PTPRO: variants seen among roughly 807,000 people sequenced by gnomAD.
PTPRO encodes receptor-type tyrosine-protein phosphatase O.
Under a neutral mutation model 145.2 loss-of-function variants are expected in PTPRO, and 62 were observed. The observed-to-expected ratio is 0.43, with a 90% CI of 0.35 to 0.53. The LOEUF (loss-of-function observed/expected upper bound fraction) is 0.53, where lower values mean the gene tolerates loss of function less well. PTPRO is among the 20% of genes least tolerant of loss of function. The pLI is 0.01. For synonymous variants in PTPRO, 565 were observed against 514.7 expected, an observed-to-expected ratio of 1.10 and a Z score of -1.32; for missense variants, 1,345 against 1,482.7, an observed-to-expected ratio of 0.91 and a Z score of 1.53.
At chr12:15,451,480 C>T (rs1370319713) in intron 1 of PTPRO, among the ~76,000 whole-genome samples, 2 of 151,996 alleles carry the variant, frequency 1.3e-5, no homozygotes, top group Non-Finnish European at 2.9e-5. Flanking sequence ...TAAACTATAC[C>T]CTGGAACAAA....
At chr12:15,480,928 T>C (rs1941766617) in intron 1 of PTPRO, among the ~76,000 whole-genome samples, 1 of 152,234 alleles carries the variant, frequency 6.6e-6, no homozygotes, top group African/African-American at 2.4e-5. Context: ...GTCAGTTGTT[T>C]ATTTGGTAAT....
intron 1 of PTPRO, among the ~76,000 whole-genome samples, chr12:15,459,121 A>T (rs964882537): frequency 1.3e-5 from 2 of 152,230 alleles, no homozygotes; most frequent in African/African-American, 4.8e-5. Flanking sequence ...CAAGTGAGAC[A>T]GAAGCCAGTT....
rs892750751 is a variant in PTPRO at position 15,441,113 on chromosome 12, C to T, written c.76-42861C>T. The stretch of plus-strand genomic sequence containing the variant: ...CTCCAAGATTGACCACATGCTCTAC[C>T]ATAAAGTAAGTCTCAATGAAATAAA... On this transcript the variant is annotated intron_variant, in intron 1 of 26. Coordinates refer to ENST00000281171, the MANE Select transcript of PTPRO (RefSeq NM_030667.3). 5.9e-5 allele frequency among the ~76,000 whole-genome samples: 9 copies of T among 152,112 alleles called. No individual in the cohort carries two copies. In the East Asian group the frequency reaches 1.5e-3, roughly 26 times the overall value.
chr12:15,573,447 C>T (rs1054465571), intron 19 of PTPRO, among the ~76,000 whole-genome samples: 3 of 152,102 alleles, frequency 2.0e-5, no homozygotes, highest in South Asian at 2.1e-4. Context: ...GTCAAGTTGA[C>T]GTCTAAAATT....
chr12:15,369,903 T>G (rs1305385130), intron 1 of PTPRO, among the ~76,000 whole-genome samples: 1 of 151,900 alleles, frequency 6.6e-6, no homozygotes, highest in African/African-American at 2.4e-5. Context: ...AATACAAAAC[T>G]TAGCCAGGCG....
At chr12:15,594,566 C>T (rs1289879289) in intron 25 of PTPRO, among the ~76,000 whole-genome samples, 1 of 151,344 alleles carries the variant, frequency 6.6e-6, no homozygotes, top group Non-Finnish European at 1.5e-5. Context: ...TATATATAAA[C>T]ATATATATAA....
intron 10 of PTPRO, among the ~76,000 whole-genome samples, chr12:15,523,652 G>A (rs999443122): frequency 1.3e-5 from 2 of 152,104 alleles, no homozygotes; most frequent in Admixed American, 6.6e-5. Context: ...GCCTGTACCT[G>A]TAGTCCTAGC....
chr12:15,591,823 A>G (rs912048363), intron 25 of PTPRO, among the ~76,000 whole-genome samples: 9 of 152,180 alleles, frequency 5.9e-5, no homozygotes, highest in Middle Eastern at 3.4e-3. Flanking sequence ...AGATCGTGCC[A>G]CTGCACCCCA....
intron 1 of PTPRO, among the ~76,000 whole-genome samples, chr12:15,423,643 T>C (rs1940205990): frequency 1.3e-5 from 2 of 152,194 alleles, no homozygotes; most frequent in Admixed American, 1.3e-4. Context: ...ATCCATAACA[T>C]AATTTGGAGA....
In PTPRO at chr12:15,482,723, G is replaced by A. The variant is rs117424963; in HGVS notation, c.76-1251G>A. Among the ~76,000 whole-genome samples the A allele has an allele frequency of 7.0e-3, 1,062 of 152,188 alleles. 4 individuals carry two copies. Among genetic ancestry groups the A allele is most frequent in the Middle Eastern group, 0.017 (5 of 294 alleles). On this transcript the variant is annotated intron_variant, in intron 1 of 26. Coordinates refer to ENST00000281171, the MANE Select transcript of PTPRO (RefSeq NM_030667.3). Reference sequence around the variant, plus strand: ...ATTGAGTAATTTGTTAGAGGCAAATGCCCATATATCGTCAATTTAATCAGC... The same window carrying A: ...ATTGAGTAATTTGTTAGAGGCAAATACCCATATATCGTCAATTTAATCAGC...
chr12:15,326,778 A>G (rs1455497086), intron 1 of PTPRO, among the ~76,000 whole-genome samples: 2 of 152,200 alleles, frequency 1.3e-5, no homozygotes, highest in Non-Finnish European at 2.9e-5. Flanking sequence ...AACAATGACC[A>G]CAAGTTTTCA....
chr12:15,580,091 C>T lies in PTPRO; in HGVS notation c.2973C>T (p.Asp991=), dbSNP rs763127827. Residue 991 remains aspartate (D), a synonymous_variant, in exon 21 of 27, where the codon GAC becomes GAT. Coordinates refer to ENST00000281171, the MANE Select transcript of PTPRO (RefSeq NM_030667.3). The part of the protein sequence containing the change: ...LVSMNEEEGA[D]YINANYIPGY... ...CCATGAATGAAGAGGAAGGTGCAGA[C>T]TACATCAATGCCAACTATATTCCTG... 5 of 1,612,544 alleles carry T rather than the reference C, an allele frequency of 3.1e-6. No homozygotes were observed. The highest frequency in any genetic ancestry group is 4.2e-6 in the Non-Finnish European group (5 of 1,179,570).
chr12:15,420,062 G>C, intron 1 of PTPRO, among the ~76,000 whole-genome samples: 1 of 150,314 alleles, frequency 6.7e-6, no homozygotes, highest in East Asian at 2.0e-4. Flanking sequence ...CAGGAGAACG[G>C]TGTGAAACCG....
chr12:15,411,534 G>C (rs1049688003), intron 1 of PTPRO, among the ~76,000 whole-genome samples: 1 of 152,184 alleles, frequency 6.6e-6, no homozygotes, highest in African/African-American at 2.4e-5. Flanking sequence ...GGGTCTGTAA[G>C]ATCTCAACAT....
intron 25 of PTPRO, among the ~76,000 whole-genome samples, chr12:15,593,291 A>G (rs73297747): frequency 0.039 from 5,979 of 152,306 alleles, 385 homozygotes; most frequent in African/African-American, 0.13. Context: ...GTTGTTACAC[A>G]GGAAGCTTCT....
intron 1 of PTPRO, among the ~76,000 whole-genome samples, chr12:15,359,876 T>G (rs573739980): frequency 5.3e-5 from 8 of 152,222 alleles, no homozygotes; most frequent in Non-Finnish European, 1.2e-4. Flanking sequence ...CTTTCTAATC[T>G]TATCTTGAAC....
At chr12:15,382,362 C>T (rs73301688) in intron 1 of PTPRO, among the ~76,000 whole-genome samples, 5,110 of 152,164 alleles carry the variant, frequency 0.034, 280 homozygotes, top group African/African-American at 0.12. Context: ...AGATTCACCT[C>T]GAGGGACATT....
At chr12:15,386,416 C>T (rs1330419661) in intron 1 of PTPRO, among the ~76,000 whole-genome samples, 1 of 151,968 alleles carries the variant, frequency 6.6e-6, no homozygotes, top group Non-Finnish European at 1.5e-5. Flanking sequence ...CAGTAGAATA[C>T]AACTGACAAA....
At chr12:15,492,637 A>T (rs1041860181) in intron 2 of PTPRO, among the ~76,000 whole-genome samples, 2 of 152,160 alleles carry the variant, frequency 1.3e-5, no homozygotes, top group African/African-American at 4.8e-5. Context: ...AAATTAATTT[A>T]AAATTTAATG....
Sources: allele counts gnomAD v4.1 joint callset (sites outside exome capture counted in the v4.1 genomes callset), GRCh38; gene constraint gnomAD v4.1.1; transcripts MANE v1.5; gene names NCBI Gene and HGNC (gene_info 2026-07-23, HGNC 2026-07-21).